The following CHCHD6 variants were observed in gnomAD, a reference collection of about 807,000 sequenced individuals.
CHCHD6 encodes coiled-coil-helix-coiled-coil-helix domain containing 6.
A neutral mutation model predicts 32.3 loss-of-function variants in CHCHD6; 28 were observed. The ratio of observed to expected loss-of-function variants is 0.87; its 90% CI spans 0.64 to 1.19. The LOEUF (loss-of-function observed/expected upper bound fraction) is 1.19. Among genes scored for constraint, CHCHD6 ranks in the 50% most tolerant of loss-of-function variants. The pLI is 0.00. For synonymous variants in CHCHD6, 122 were observed against 117.5 expected (o/e 1.04, Z -0.25); for missense variants, 333 against 307.0 (o/e 1.08, Z -0.63).
chr3:126,842,290 CT>C (rs1941124038), intron 4 of CHCHD6, among the ~76,000 whole-genome samples: 1 of 152,130 alleles, frequency 6.6e-6, no homozygotes, highest in African/African-American at 2.4e-5. Context: ...TCCAAAGAAT[CT>C]TGGGCCCAAT....
chr3:126,858,561 T>C (rs1019441159), intron 5 of CHCHD6, among the ~76,000 whole-genome samples: 1 of 152,174 alleles, frequency 6.6e-6, no homozygotes, highest in Non-Finnish European at 1.5e-5. Context: ...CCCAGGGACC[T>C]TACAGGCCTT....
intron 6 of CHCHD6, 122 bp from the exon 7 acceptor site, chr3:126,957,294 T>C (rs2107610744): frequency 2.8e-6 from 3 of 1,078,138 alleles, no homozygotes; most frequent in Non-Finnish European, 1.3e-6. Flanking sequence ...GTTAAAAGGA[T>C]GCTGCTGGGT....
chr3:126,918,686 G>T (rs1355170284), intron 6 of CHCHD6, among the ~76,000 whole-genome samples: 4 of 152,200 alleles, frequency 2.6e-5, no homozygotes, highest in African/African-American at 9.7e-5. Context: ...GGCCAGTATG[G>T]CTAGAGAGTA....
chr3:126,887,922 A>G (rs2077700838), intron 5 of CHCHD6, among the ~76,000 whole-genome samples: 1 of 152,218 alleles, frequency 6.6e-6, no homozygotes, highest in South Asian at 2.1e-4. Context: ...TTTCACTGAG[A>G]TAAGAACTCC....
intron 6 of CHCHD6, among the ~76,000 whole-genome samples, chr3:126,925,444 G>A (rs1044341348): frequency 1.3e-5 from 2 of 152,206 alleles, no homozygotes; most frequent in Non-Finnish European, 2.9e-5. Flanking sequence ...GATTTGCAAT[G>A]AGGCATTATA....
In CHCHD6 at chr3:126,780,443, A is replaced by G. The variant is rs768880894; in HGVS notation, c.411+47221A>G. On this transcript the variant is annotated intron_variant, in intron 4 of 7. Coordinates refer to ENST00000290913, the MANE Select transcript of CHCHD6 (RefSeq NM_032343.3). ...CTCCCTGCCTTGGGTAAGAGTTGTT[A>G]TTGATTTCTTCTGTGTTCGTCCAGA... is the stretch of plus-strand genomic sequence containing the variant. 6 of 347,826 alleles carry G rather than the reference A, an allele frequency of 1.7e-5. No homozygotes were observed. In the Admixed American group the frequency reaches 2.0e-4, roughly 12 times the overall value. 21.5% of individuals were successfully genotyped at this position (347,826 alleles called of 1,614,324 possible).
chr3:126,949,543 C>CAGAGCCTTATCACCAA (rs1293699472), intron 6 of CHCHD6: 8 of 163,184 alleles, frequency 4.9e-5, no homozygotes, highest in East Asian at 2.9e-4. Flanking sequence ...GGGAAGGCTG[C>CAGAGCCTTATCACCAA]TGCCCGGACT....
intron 4 of CHCHD6, among the ~76,000 whole-genome samples, chr3:126,779,634 A>AG (rs1937833084): frequency 6.6e-6 from 1 of 151,900 alleles, no homozygotes; most frequent in Admixed American, 6.6e-5. Context: ...TGTAAGACAG[A>AG]GGTCTAAATC....
At chr3:126,805,721 C>A (rs1576438752) in intron 4 of CHCHD6, among the ~76,000 whole-genome samples, 2 of 152,172 alleles carry the variant, frequency 1.3e-5, no homozygotes, top group Admixed American at 1.3e-4. Context: ...CATATGGAAC[C>A]AAAAAAGAGC....
At chr3:126,939,642 C>G (rs1277340164) in intron 6 of CHCHD6, among the ~76,000 whole-genome samples, 2 of 152,224 alleles carry the variant, frequency 1.3e-5, no homozygotes, top group Non-Finnish European at 2.9e-5. Flanking sequence ...GGAATTTTAT[C>G]TCTCACATAC....
At chr3:126,749,567 C>T (rs1936642659) in intron 4 of CHCHD6, among the ~76,000 whole-genome samples, 1 of 152,154 alleles carries the variant, frequency 6.6e-6, no homozygotes, top group African/African-American at 2.4e-5. Context: ...CCCCCAGATA[C>T]AGTAGCATAA....
At chr3:126,869,862 T>C (rs1312460937) in intron 5 of CHCHD6, among the ~76,000 whole-genome samples, 2 of 152,242 alleles carry the variant, frequency 1.3e-5, no homozygotes, top group Non-Finnish European at 2.9e-5. Context: ...TTTGGATCTG[T>C]ACTTATTTAT....
At chr3:126,743,605 G>T (rs1936372601) in intron 4 of CHCHD6, among the ~76,000 whole-genome samples, 1 of 152,152 alleles carries the variant, frequency 6.6e-6, no homozygotes. Context: ...GTGCAGAAGT[G>T]CTTTCTCTTC....
intron 1 of CHCHD6, among the ~76,000 whole-genome samples, chr3:126,707,989 G>A (rs184266024): frequency 6.6e-6 from 1 of 152,324 alleles, no homozygotes; most frequent in African/African-American, 2.4e-5. Context: ...AGGGAGAATG[G>A]ACCAGAAAGG....
At chr3:126,903,959 G>C (rs1006724939) in intron 5 of CHCHD6, among the ~76,000 whole-genome samples, 1 of 152,276 alleles carries the variant, frequency 6.6e-6, no homozygotes, top group East Asian at 1.9e-4. Context: ...GTCTAGGTAG[G>C]ATGAGATTTA....
chr3:126,805,995 C>T (rs1939355976), intron 4 of CHCHD6, among the ~76,000 whole-genome samples: 1 of 152,246 alleles, frequency 6.6e-6, no homozygotes, highest in Non-Finnish European at 1.5e-5. Context: ...ACTGGCTAGC[C>T]ATATGTAGAA....
At chr3:126,863,479 A>G (rs1253038946) in intron 5 of CHCHD6, among the ~76,000 whole-genome samples, 1 of 134,330 alleles carries the variant, frequency 7.4e-6, no homozygotes, top group Non-Finnish European at 1.6e-5. Context: ...CTCCACCACC[A>G]TCACCACCTC....
At position 126,938,753 on chromosome 3, in the gene CHCHD6, C is replaced by T. The variant is rs1383393012; in HGVS notation, c.567-18663C>T. Among the ~76,000 whole-genome samples, 6 of 143,174 alleles carry T rather than the reference C, an allele frequency of 4.2e-5. 1 individual carries two copies. In the South Asian group the frequency reaches 9.5e-4, roughly 23 times the overall value. 93.9% of individuals were successfully genotyped at this position (143,174 alleles called of 152,430 possible). A position where few individuals can be genotyped will look rare whatever the true frequency, so the allele number is the denominator to read the frequency against. ...CAGGAAAGGTGGCCCTGTAGGCTCC[C>T]TCAGGACTGAGGGGGCTGTGTGGCT... On this transcript the variant is annotated intron_variant, in intron 6 of 7. Coordinates refer to ENST00000290913, the MANE Select transcript of CHCHD6 (RefSeq NM_032343.3).
At chr3:126,818,348 T>C in intron 4 of CHCHD6, among the ~76,000 whole-genome samples, 1 of 152,220 alleles carries the variant, frequency 6.6e-6, no homozygotes, top group East Asian at 1.9e-4. Flanking sequence ...TTCTGTGCTC[T>C]GTAAACTCCT....
Sources: gnomAD v4.1 joint callset for allele counts (sites outside exome capture counted in the v4.1 genomes callset) on GRCh38, gnomAD v4.1.1 for gene constraint, MANE v1.5 for transcripts, NCBI Gene and HGNC (gene_info 2026-07-23, HGNC 2026-07-21) for gene names.